The following CTDSPL variants were observed in gnomAD, a reference collection of about 807,000 sequenced individuals.
CTDSPL encodes CTD small phosphatase like, also known as CTD small phosphatase-like protein.
A neutral mutation model predicts 30.5 loss-of-function variants in CTDSPL; 8 were observed. That is an observed-to-expected ratio of 0.26 (90% CI 0.15 to 0.47). The LOEUF (loss-of-function observed/expected upper bound fraction) is 0.47, where lower values mean the gene tolerates loss of function less well. Among genes scored for constraint, CTDSPL ranks in the 20% least tolerant of loss-of-function variants. The pLI, the probability that CTDSPL is intolerant of heterozygous loss-of-function variation, is 0.99. For missense variants in CTDSPL, 248 were observed against 366.1 expected, an observed-to-expected ratio of 0.68 and a Z score of 2.63; for synonymous variants, 110 against 137.9, an observed-to-expected ratio of 0.80 and a Z score of 1.42.
intron 1 of CTDSPL, among the ~76,000 whole-genome samples, chr3:37,884,494 T>C (rs1001212816): frequency 3.9e-5 from 6 of 152,242 alleles, no homozygotes; most frequent in African/African-American, 1.4e-4. Context: ...TGCATGAGCA[T>C]GCATCATTCC....
chr3:37,933,380 T>C (rs1024830338), intron 1 of CTDSPL, among the ~76,000 whole-genome samples: 1 of 152,200 alleles, frequency 6.6e-6, no homozygotes, highest in South Asian at 2.1e-4. Context: ...TATAAATATT[T>C]CCAGAGATAC....
intron 1 of CTDSPL, among the ~76,000 whole-genome samples, chr3:37,917,305 A>G (rs1380408907): frequency 1.3e-5 from 2 of 152,224 alleles, no homozygotes; most frequent in Non-Finnish European, 1.5e-5. Context: ...GTACATGTTT[A>G]TAGTAGAATT....
intron 2 of CTDSPL, among the ~76,000 whole-genome samples, chr3:37,950,340 G>A (rs1699092941): frequency 6.6e-6 from 1 of 152,092 alleles, no homozygotes; most frequent in African/African-American, 2.4e-5. Context: ...AGTCCAAGTT[G>A]GAAAAACTGT....
intron 1 of CTDSPL, among the ~76,000 whole-genome samples, chr3:37,891,926 G>A (rs1698332463): frequency 6.6e-6 from 1 of 152,100 alleles, no homozygotes; most frequent in South Asian, 2.1e-4. Flanking sequence ...ATGTGCTTAT[G>A]TACTTTACAA....
At chr3:37,875,381 A>G (rs1464269232) in intron 1 of CTDSPL, among the ~76,000 whole-genome samples, 4 of 152,230 alleles carry the variant, frequency 2.6e-5, no homozygotes, top group African/African-American at 7.2e-5. Flanking sequence ...ATTTGCCAAA[A>G]TGTTTTAAAA....
At chr3:37,872,607 C>G (rs931134346) in intron 1 of CTDSPL, among the ~76,000 whole-genome samples, 10 of 116,406 alleles carry the variant, frequency 8.6e-5, no homozygotes, top group Middle Eastern at 7.6e-3. Flanking sequence ...GACTGAGTCA[C>G]TCTGTTGCCC....
intron 1 of CTDSPL, among the ~76,000 whole-genome samples, chr3:37,873,458 C>A (rs2125589269): frequency 6.6e-6 from 1 of 152,276 alleles, no homozygotes; most frequent in Non-Finnish European, 1.5e-5. Context: ...AAAGAAAACC[C>A]AGGGAAATCA....
intron 1 of CTDSPL, among the ~76,000 whole-genome samples, chr3:37,891,909 CATAT>C (rs764886218): frequency 7.2e-6 from 1 of 138,508 alleles, no homozygotes; most frequent in Non-Finnish European, 1.6e-5. Flanking sequence ...CATGTACACA[CATAT>C]ATATGTGCTT....
intron 1 of CTDSPL, among the ~76,000 whole-genome samples, chr3:37,931,758 A>G (rs922431388): frequency 5.9e-5 from 9 of 151,988 alleles, no homozygotes; most frequent in East Asian, 1.9e-4. Context: ...AACAGGGCCA[A>G]TCTTAATCTT....
intron 1 of CTDSPL, among the ~76,000 whole-genome samples, chr3:37,868,753 C>T (rs1045156044): frequency 6.6e-6 from 1 of 151,890 alleles, no homozygotes; most frequent in Admixed American, 6.6e-5. Context: ...TTATTTTGTC[C>T]CACTGATCTA....
At chr3:37,972,279 C>G (rs1699376205) in intron 6 of CTDSPL, among the ~76,000 whole-genome samples, 1 of 152,122 alleles carries the variant, frequency 6.6e-6, no homozygotes, top group Admixed American at 6.5e-5. Flanking sequence ...GGCGTATCAC[C>G]TGAGGTCAGG....
intron 1 of CTDSPL, among the ~76,000 whole-genome samples, chr3:37,883,660 G>A (rs1262893529): frequency 6.6e-6 from 1 of 152,226 alleles, no homozygotes; most frequent in Non-Finnish European, 1.5e-5. Flanking sequence ...TGAACAGGTG[G>A]TGTTACTTCT....
At chr3:37,902,127 A>G (rs917543537) in intron 1 of CTDSPL, among the ~76,000 whole-genome samples, 22 of 152,192 alleles carry the variant, frequency 1.4e-4, no homozygotes, top group South Asian at 1.0e-3. Context: ...ACTATGTCTC[A>G]TCGTCACCTA....
At chr3:37,910,732 C>T (rs976749847) in intron 1 of CTDSPL, among the ~76,000 whole-genome samples, 9 of 152,166 alleles carry the variant, frequency 5.9e-5, no homozygotes, top group Non-Finnish European at 1.2e-4. Context: ...GCTGTATTCT[C>T]ATGAAAAAAG....
At chr3:37,910,171 ATAGT>A (rs758733860) in intron 1 of CTDSPL, among the ~76,000 whole-genome samples, 10 of 152,326 alleles carry the variant, frequency 6.6e-5, no homozygotes, top group Non-Finnish European at 1.2e-4. Flanking sequence ...TAACCACATA[ATAGT>A]TAGTATAAAG....
intron 1 of CTDSPL, among the ~76,000 whole-genome samples, chr3:37,924,162 G>A (rs148307990): frequency 5.3e-5 from 8 of 152,198 alleles, no homozygotes; most frequent in Non-Finnish European, 8.8e-5. Context: ...TAAGAATTCC[G>A]TTTATGATGA....
chr3:37,868,221 T>G (rs1160559374), intron 1 of CTDSPL, among the ~76,000 whole-genome samples: 1 of 152,140 alleles, frequency 6.6e-6, no homozygotes, highest in Non-Finnish European at 1.5e-5. Flanking sequence ...ATATCTTCTT[T>G]GATGAGCTGT....
intron 5 of CTDSPL, chr3:37,968,354 A>C: frequency 2.6e-6 from 1 of 388,718 alleles, no homozygotes; most frequent in Non-Finnish European, 5.2e-6. Flanking sequence ...GCAAATACCC[A>C]CCCCAAAAGA....
At chr3:37,977,197 T>C (rs1277913668) in intron 7 of CTDSPL, among the ~76,000 whole-genome samples, 1 of 152,250 alleles carries the variant, frequency 6.6e-6, no homozygotes, top group Non-Finnish European at 1.5e-5. Flanking sequence ...CTTTTTAATA[T>C]AATCACAAGT....
Sources: gnomAD v4.1 joint callset for allele counts (sites outside exome capture counted in the v4.1 genomes callset) on GRCh38, gnomAD v4.1.1 for gene constraint, MANE v1.5 for transcripts, NCBI Gene and HGNC (gene_info 2026-07-23, HGNC 2026-07-21) for gene names.